Variants in NAV2 observed in about 807,000 individuals in gnomAD.
NAV2 encodes the protein neuron navigator 2.
A neutral mutation model predicts 223.2 loss-of-function variants in NAV2; 54 were observed. The ratio of observed to expected loss-of-function variants is 0.24; its 90% CI spans 0.19 to 0.30. The LOEUF is 0.30. Ranked by LOEUF, NAV2 falls within the 10% of genes least tolerant of loss-of-function variation. The pLI, the probability that NAV2 is intolerant of heterozygous loss-of-function variation, is 1.00. For missense variants in NAV2, 2,806 were observed against 3,147.5 expected (o/e 0.89, Z 2.60); for synonymous variants, 1,279 against 1,239.3 (o/e 1.03, Z -0.67).
chr11:19,834,084 G>A (rs1305299680), intron 2 of NAV2, among the ~76,000 whole-genome samples: 1 of 152,216 alleles, frequency 6.6e-6, no homozygotes, highest in African/African-American at 2.4e-5. Context: ...ACTCAAAGGG[G>A]ACAGGATGAT....
intron 1 of NAV2, among the ~76,000 whole-genome samples, chr11:19,808,410 G>A (rs1038517907): frequency 6.6e-6 from 1 of 152,200 alleles, no homozygotes; most frequent in Admixed American, 6.5e-5. Context: ...ACTGAATTAA[G>A]CAAGTTATCA....
chr11:19,475,542 C>T (rs1288874644), intron 1 of NAV2, among the ~76,000 whole-genome samples: 2 of 152,148 alleles, frequency 1.3e-5, no homozygotes, highest in East Asian at 3.9e-4. Context: ...TAGCTCAAAC[C>T]TGGCAATATT....
intron 29 of NAV2, among the ~76,000 whole-genome samples, chr11:20,093,943 T>C (rs2061037355): frequency 6.6e-6 from 1 of 152,124 alleles, no homozygotes; most frequent in Admixed American, 6.5e-5. Context: ...TCCCTTGAGT[T>C]TTTTGTTTGT....
At chr11:19,740,989 C>T (rs2052748486) in intron 1 of NAV2, among the ~76,000 whole-genome samples, 1 of 152,170 alleles carries the variant, frequency 6.6e-6, no homozygotes, top group Non-Finnish European at 1.5e-5. Flanking sequence ...GGTGACTTAT[C>T]AGTAGAAGGG....
intron 1 of NAV2, among the ~76,000 whole-genome samples, chr11:19,590,033 C>T (rs1187002525): frequency 2.6e-5 from 4 of 152,118 alleles, no homozygotes; most frequent in African/African-American, 9.7e-5. Flanking sequence ...GCTCAGGAAC[C>T]AGCTGTGTGG....
In NAV2 at chr11:19,605,899, G is replaced by T. The variant is rs112014949; in HGVS notation, c.76-226585G>T. Among the ~76,000 whole-genome samples, 676 of 152,282 alleles carry T rather than the reference G, an allele frequency of 4.4e-3. 7 individuals carry two copies. The highest frequency in any genetic ancestry group is 0.014 in the African/African-American group (580 of 41,542). ...TATTAATATGCAACCAATGCAACCCGCTGCTCATCGATGAGGAGATGAGGA... is the reference window on the plus strand; with the variant it reads ...TATTAATATGCAACCAATGCAACCCTCTGCTCATCGATGAGGAGATGAGGA... On this transcript the variant is annotated intron_variant, in intron 1 of 37. Transcript: ENST00000360655.
At chr11:19,777,418 TCC>T in intron 1 of NAV2, 3 of 433,044 alleles carry the variant, frequency 6.9e-6, no homozygotes, top group South Asian at 1.6e-5. Context: ...TTTTTTTTTT[TCC>T]CCTCCTCCTT....
intron 1 of NAV2, among the ~76,000 whole-genome samples, chr11:19,540,753 A>T (rs1225138614): frequency 1.3e-5 from 2 of 152,222 alleles, no homozygotes; most frequent in East Asian, 3.9e-4. Context: ...AGCTCTGGCC[A>T]GGCGTGGTGG....
At chr11:19,645,763 A>G (rs551771795) in intron 1 of NAV2, among the ~76,000 whole-genome samples, 2 of 152,212 alleles carry the variant, frequency 1.3e-5, no homozygotes, top group African/African-American at 4.8e-5. Flanking sequence ...TTTAATGGTA[A>G]TGGCAAAAAC....
intron 33 of NAV2, 43 bp downstream of exon 33, chr11:20,103,452 G>A: frequency 1.3e-6 from 2 of 1,595,646 alleles, no homozygotes; most frequent in South Asian, 1.1e-5. Flanking sequence ...GGGAGAGAGT[G>A]CTGCCAGCTG....
In NAV2 at chr11:19,413,791, A is replaced by G. The variant is rs1444837246; in HGVS notation, c.75+62764A>G. Among the ~76,000 whole-genome samples the G allele has an allele frequency of 2.0e-5, 3 of 152,318 alleles. No individual in the cohort carries two copies. The East Asian group carries it at 5.8e-4, about 29-fold the overall frequency. ...ATATTCAATATTTTTAAAGAAAAGA[A>G]TTTTCAGCCCAGAATTTCATATCCA... On this transcript the variant is annotated intron_variant, in intron 1 of 37. Coordinates refer to the NAV2 transcript ENST00000360655.
intron 1 of NAV2, among the ~76,000 whole-genome samples, chr11:19,453,524 G>T (rs1466039977): frequency 2.0e-5 from 3 of 152,208 alleles, no homozygotes; most frequent in Admixed American, 1.3e-4. Context: ...TTTGGAATGT[G>T]AATTTCTTCC....
At chr11:19,665,395 G>A (rs1351749301) in intron 1 of NAV2, among the ~76,000 whole-genome samples, 2 of 152,192 alleles carry the variant, frequency 1.3e-5, no homozygotes, top group Non-Finnish European at 2.9e-5. Context: ...GGATGAGGGG[G>A]CGGTTGCCTG....
rs117218150 is a variant in NAV2, at chr11:20,048,297, T to C, written c.3903-431T>C. 9.4e-3 allele frequency among the ~76,000 whole-genome samples: 1,426 copies of C among 152,222 alleles called. 35 individuals carry two copies. The highest frequency in any genetic ancestry group is 0.068 in the East Asian group (352 of 5,174). On this transcript the variant is annotated intron_variant, in intron 14 of 37. Coordinates refer to ENST00000349880, the MANE Select transcript of NAV2 (RefSeq NM_145117.5). ...GGTCAAGAAACCAAATCCCTTAGAG[T>C]TGAGCTGTCATAAACTGTGTGCCTG...
At chr11:19,593,661 G>C (rs1346967034) in intron 1 of NAV2, among the ~76,000 whole-genome samples, 1 of 152,164 alleles carries the variant, frequency 6.6e-6, no homozygotes, top group African/African-American at 2.4e-5. Flanking sequence ...ATTCCCACCA[G>C]CAATGTGTGA....
chr11:19,831,999 G>T (rs749014306), intron 1 of NAV2, among the ~76,000 whole-genome samples: 1 of 152,162 alleles, frequency 6.6e-6, no homozygotes, highest in African/African-American at 2.4e-5. Context: ...CTTTTCAAGG[G>T]ACCCAGGCTC....
intron 11 of NAV2, among the ~76,000 whole-genome samples, chr11:20,030,180 C>T (rs1210218354): frequency 6.6e-6 from 1 of 152,124 alleles, no homozygotes; most frequent in Non-Finnish European, 1.5e-5. Context: ...AATTTTGGAG[C>T]TGCTTTGAAA....
intron 1 of NAV2, among the ~76,000 whole-genome samples, chr11:19,495,758 A>T (rs1016221710): frequency 5.9e-5 from 9 of 152,084 alleles, no homozygotes; most frequent in Non-Finnish European, 1.2e-4. Flanking sequence ...TTTATGTGTA[A>T]TTTTATATAT....
At chr11:20,027,589 G>A (rs1420246052) in intron 11 of NAV2, 2 of 378,576 alleles carry the variant, frequency 5.3e-6, no homozygotes, top group Non-Finnish European at 3.6e-6. Context: ...CCTCCTGGAA[G>A]CAGACCCAGC....
Sources: allele counts gnomAD v4.1 joint callset (sites outside exome capture counted in the v4.1 genomes callset), GRCh38; gene constraint gnomAD v4.1.1; transcripts MANE v1.5; gene names NCBI Gene and HGNC (gene_info 2026-07-23, HGNC 2026-07-21).